Variants in ATXN1 observed in about 807,000 individuals in gnomAD.
ATXN1 encodes the protein ataxin 1.
ATXN1 carries 8 observed loss-of-function variants against 56.4 expected under a neutral mutation model. The observed-to-expected ratio is 0.14, with a 90% CI of 0.08 to 0.26. The LOEUF (loss-of-function observed/expected upper bound fraction) is 0.26, where lower values mean the gene tolerates loss of function less well. Ranked by LOEUF, ATXN1 falls within the 10% of genes least tolerant of loss-of-function variation. The pLI is 1.00. For missense variants in ATXN1, 987 were observed against 1,106.5 expected, an observed-to-expected ratio of 0.89 and a Z score of 1.53; for synonymous variants, 514 against 494.6, an observed-to-expected ratio of 1.04 and a Z score of -0.52.
intron 5 of ATXN1, among the ~76,000 whole-genome samples, chr6:16,491,089 G>GCT (rs1760649383): frequency 1.1e-5 from 1 of 93,728 alleles, no homozygotes; most frequent in African/African-American, 4.4e-5. Flanking sequence ...CGGATCCCTG[G>GCT]ATTTTTTTTT....
intron 3 of ATXN1, among the ~76,000 whole-genome samples, chr6:16,589,278 A>G (rs988665703): frequency 3.3e-5 from 5 of 151,912 alleles, no homozygotes; most frequent in African/African-American, 4.8e-5. Context: ...TCCCACCACA[A>G]CCTAAGTCCC....
At chr6:16,330,849 G>A (rs1223914460) in intron 6 of ATXN1, among the ~76,000 whole-genome samples, 2 of 152,122 alleles carry the variant, frequency 1.3e-5, no homozygotes, top group Non-Finnish European at 2.9e-5. Context: ...CGATATCAAA[G>A]GACATTTCAG....
At chr6:16,728,022 C>A (rs1759887218) in intron 2 of ATXN1, among the ~76,000 whole-genome samples, 1 of 152,208 alleles carries the variant, frequency 6.6e-6, no homozygotes, top group South Asian at 2.1e-4. Flanking sequence ...GGTCTAGACC[C>A]TCATTTTGCA....
At chr6:16,593,475 A>G (rs140993902) in intron 3 of ATXN1, among the ~76,000 whole-genome samples, 13 of 152,358 alleles carry the variant, frequency 8.5e-5, no homozygotes, top group East Asian at 5.8e-4. Flanking sequence ...CCTGTGAAGC[A>G]TAAGAATAAA....
intron 5 of ATXN1, among the ~76,000 whole-genome samples, chr6:16,500,629 C>A (rs235158): frequency 0.05 from 7,486 of 150,230 alleles, 348 homozygotes; most frequent in South Asian, 0.17. Context: ...AATTGAGAAA[C>A]ATATGGCCCA....
intron 6 of ATXN1, among the ~76,000 whole-genome samples, chr6:16,346,575 G>C (rs777704923): frequency 6.6e-6 from 1 of 152,220 alleles, no homozygotes; most frequent in African/African-American, 2.4e-5. Context: ...GCACATAGTT[G>C]ATTCAGTGTC....
rs554890518 is a variant in ATXN1 at position 16,660,990 on chromosome 6, C to G, written c.-614-3089G>C. ...AGTAGCTAGGATCATAGGTGCCCAC[C>G]ACCACACCCAGCTAATTTTTGTATT... On this transcript the variant is annotated intron_variant, in intron 2 of 7. Transcript: ENST00000436367. Among the ~76,000 whole-genome samples the G allele has an allele frequency of 7.2e-5, 11 of 151,914 alleles. No homozygotes were observed. The East Asian group carries it at 1.5e-3, about 21-fold the overall frequency.
intron 6 of ATXN1, among the ~76,000 whole-genome samples, chr6:16,469,239 C>T (rs115209071): frequency 2.7e-3 from 412 of 152,202 alleles, no homozygotes; most frequent in Non-Finnish European, 4.4e-3. Context: ...AGAGTCTTGC[C>T]CTTAAGAAGC....
intron 6 of ATXN1, among the ~76,000 whole-genome samples, chr6:16,435,993 G>C (rs1237755254): frequency 6.6e-6 from 1 of 152,074 alleles, no homozygotes; most frequent in Non-Finnish European, 1.5e-5. Flanking sequence ...CACCTCCCGG[G>C]TTCCAGCTAT....
intron 2 of ATXN1, chr6:16,738,297 GA>G (rs1434749075): frequency 6.6e-6 from 1 of 152,226 alleles, no homozygotes; most frequent in Non-Finnish European, 1.5e-5. Flanking sequence ...TCTCAATTCT[GA>G]AGCTCAGTTC....
chr6:16,534,635 G>A (rs1029661120), intron 4 of ATXN1, among the ~76,000 whole-genome samples: 6 of 151,810 alleles, frequency 4.0e-5, no homozygotes, highest in Non-Finnish European at 7.4e-5. Context: ...GTGCAAGCTG[G>A]CTCCACTACA....
chr6:16,568,233 A>C (rs1364319720), intron 4 of ATXN1, among the ~76,000 whole-genome samples: 12 of 152,248 alleles, frequency 7.9e-5, no homozygotes, highest in Non-Finnish European at 5.9e-5. Flanking sequence ...ATTCGCAAGA[A>C]TATTTGAAAC....
intron 3 of ATXN1, among the ~76,000 whole-genome samples, chr6:16,610,950 G>A (rs1763095389): frequency 6.6e-6 from 1 of 151,790 alleles, no homozygotes; most frequent in Non-Finnish European, 1.5e-5. Flanking sequence ...GGATCCTTTA[G>A]AGCCAGGAGG....
At chr6:16,731,067 T>C (rs868145160) in intron 2 of ATXN1, among the ~76,000 whole-genome samples, 1 of 152,302 alleles carries the variant, frequency 6.6e-6, no homozygotes, top group Admixed American at 6.5e-5. Context: ...TATTAACATA[T>C]GCATGTAAAA....
At chr6:16,507,127 G>T (rs1206800780) in intron 5 of ATXN1, among the ~76,000 whole-genome samples, 2 of 152,162 alleles carry the variant, frequency 1.3e-5, no homozygotes, top group African/African-American at 4.8e-5. Flanking sequence ...ATATCTGTGA[G>T]ATTTTTGGTT....
intron 6 of ATXN1, among the ~76,000 whole-genome samples, chr6:16,407,495 A>G (rs1758709056): frequency 6.6e-6 from 1 of 152,218 alleles, no homozygotes; most frequent in South Asian, 2.1e-4. Context: ...AAGTATCTGT[A>G]TCAACTTTTG....
intron 4 of ATXN1, among the ~76,000 whole-genome samples, chr6:16,582,617 G>A (rs1762550031): frequency 1.3e-5 from 2 of 152,156 alleles, no homozygotes; most frequent in Non-Finnish European, 2.9e-5. Flanking sequence ...AATGGTGTGG[G>A]CAACCATGTG....
At chr6:16,550,027 G>A (rs1761890343) in intron 4 of ATXN1, among the ~76,000 whole-genome samples, 1 of 151,528 alleles carries the variant, frequency 6.6e-6, no homozygotes, top group Non-Finnish European at 1.5e-5. Flanking sequence ...GGGGTGGGGA[G>A]GGGAGGGAAC....
chr6:16,525,047 A>AAAC (rs921242865), intron 4 of ATXN1, among the ~76,000 whole-genome samples: 9 of 152,096 alleles, frequency 5.9e-5, no homozygotes, highest in East Asian at 1.9e-4. Context: ...AGCAAAACAA[A>AAAC]AACAACAACA....
Sources: gnomAD v4.1 joint callset for allele counts (sites outside exome capture counted in the v4.1 genomes callset) on GRCh38, gnomAD v4.1.1 for gene constraint, MANE v1.5 for transcripts, NCBI Gene and HGNC (gene_info 2026-07-23, HGNC 2026-07-21) for gene names.